Variants in RBFOX1 observed in about 807,000 individuals in gnomAD.
RBFOX1 encodes RNA binding protein fox-1 homolog 1.
Under a neutral mutation model 57.7 loss-of-function variants are expected in RBFOX1, and 8 were observed. The observed-to-expected ratio is 0.14, with a 90% CI of 0.08 to 0.25. The LOEUF (loss-of-function observed/expected upper bound fraction) is 0.25. RBFOX1 is among the 10% of genes least tolerant of loss of function. The pLI is 1.00. For synonymous variants in RBFOX1, 326 were observed against 222.4 expected, an observed-to-expected ratio of 1.47 and a Z score of -4.15; for missense variants, 611 against 548.5, an observed-to-expected ratio of 1.11 and a Z score of -1.14.
At chr16:5,425,067 A>ATTTATTTATCTC (rs1567491128) in intron 1 of RBFOX1, among the ~76,000 whole-genome samples, 1 of 47,362 alleles carries the variant, frequency 2.1e-5, no homozygotes, top group African/African-American at 1.2e-4. Context: ...TTCCTTTCTT[A>ATTTATTTATCTC]TCTATCTATC....
Position 6,602,606 on chromosome 16 carries a change from G to A in RBFOX1, c.-63-51997G>A, listed in dbSNP as rs550661527. Reference sequence around the variant, plus strand: ...AGGCCAGGCGGGGACTCCTGGGAAAGCCTTCTCCTGGCTCCAGTTCCATTT... The same window carrying A: ...AGGCCAGGCGGGGACTCCTGGGAAAACCTTCTCCTGGCTCCAGTTCCATTT... On this transcript the variant is annotated intron_variant, in intron 2 of 15. Coordinates refer to ENST00000550418, the MANE Select transcript of RBFOX1 (RefSeq NM_018723.4). Among the ~76,000 whole-genome samples the A allele has an allele frequency of 5.9e-5, 9 of 152,268 alleles. 2 individuals carry two copies. The South Asian group carries it at 1.9e-3, about 32-fold the overall frequency.
chr16:7,050,458 G>C (rs1206211321), intron 3 of RBFOX1, among the ~76,000 whole-genome samples: 3 of 151,742 alleles, frequency 2.0e-5, no homozygotes, highest in Non-Finnish European at 4.4e-5. Context: ...TAGAGAAGAG[G>C]TTTCACCATA....
chr16:7,400,355 C>A (rs921679258), intron 4 of RBFOX1, among the ~76,000 whole-genome samples: 1 of 152,306 alleles, frequency 6.6e-6, no homozygotes, highest in Middle Eastern at 3.4e-3. Context: ...CTGAACCCAT[C>A]TTTAAGGAAA....
chr16:5,824,939 C>A (rs2055982943), intron 3 of RBFOX1, among the ~76,000 whole-genome samples: 1 of 152,194 alleles, frequency 6.6e-6, no homozygotes, highest in Admixed American at 6.5e-5. Flanking sequence ...TGAGTGGGCT[C>A]TGTCCATCTG....
intron 1 of RBFOX1, among the ~76,000 whole-genome samples, chr16:6,299,534 G>C (rs549937009): frequency 6.6e-6 from 1 of 152,028 alleles, no homozygotes; most frequent in East Asian, 1.9e-4. Flanking sequence ...TGATTTCAGA[G>C]ACCTCATTTT....
intron 2 of RBFOX1, among the ~76,000 whole-genome samples, chr16:6,510,769 A>G (rs2096239677): frequency 1.3e-5 from 2 of 152,128 alleles, no homozygotes; most frequent in African/African-American, 4.8e-5. Flanking sequence ...TAAAAAAAAG[A>G]CAACAATTTG....
chr16:6,995,387 T>C (rs902214018), intron 3 of RBFOX1, among the ~76,000 whole-genome samples: 1 of 151,600 alleles, frequency 6.6e-6, no homozygotes, highest in Admixed American at 6.6e-5. Context: ...GATGGATTTT[T>C]CACTTTATTA....
chr16:7,112,450 G>A (rs1283537662), intron 4 of RBFOX1, among the ~76,000 whole-genome samples: 3 of 148,756 alleles, frequency 2.0e-5, no homozygotes, highest in South Asian at 2.1e-4. Flanking sequence ...CAAGTTGTCC[G>A]CCCGCCTCAG....
chr16:6,361,135 A>G (rs953182711), intron 2 of RBFOX1, among the ~76,000 whole-genome samples: 1 of 152,148 alleles, frequency 6.6e-6, no homozygotes, highest in Non-Finnish European at 1.5e-5. Flanking sequence ...ATATGGGCAA[A>G]GTAACGAATG....
chr16:7,490,943 C>T (rs918396090), intron 4 of RBFOX1, among the ~76,000 whole-genome samples: 2 of 152,152 alleles, frequency 1.3e-5, no homozygotes, highest in Admixed American at 6.5e-5. Flanking sequence ...CTCTTATCTT[C>T]TTTAGGTGGC....
intron 5 of RBFOX1, among the ~76,000 whole-genome samples, chr16:7,521,258 G>C (rs1270389810): frequency 6.6e-6 from 1 of 152,172 alleles, no homozygotes; most frequent in African/African-American, 2.4e-5. Flanking sequence ...CATGATGAAG[G>C]GGATTTGGAG....
chr16:6,903,745 A>G (rs1428430394), intron 3 of RBFOX1, among the ~76,000 whole-genome samples: 8 of 152,176 alleles, frequency 5.3e-5, no homozygotes, highest in African/African-American at 1.7e-4. Context: ...CCTCAAAAGA[A>G]AGAGGTGAGA....
intron 3 of RBFOX1, among the ~76,000 whole-genome samples, chr16:5,821,363 A>G (rs1018667584): frequency 1.4e-5 from 2 of 141,994 alleles, no homozygotes; most frequent in African/African-American, 5.4e-5. Flanking sequence ...TGTTGCAATC[A>G]TGGCTTACGG....
intron 2 of RBFOX1, among the ~76,000 whole-genome samples, chr16:6,628,563 T>C (rs1334082026): frequency 6.6e-6 from 1 of 152,202 alleles, no homozygotes. Flanking sequence ...CCTCATTTTG[T>C]TTTTTTATGC....
chr16:6,975,510 G>C (rs1241794657), intron 3 of RBFOX1, among the ~76,000 whole-genome samples: 3 of 152,028 alleles, frequency 2.0e-5, no homozygotes, highest in African/African-American at 7.2e-5. Flanking sequence ...CAAGTGATCT[G>C]CCTACCTTGG....
At chr16:6,494,831 T>C (rs1031739021) in intron 2 of RBFOX1, among the ~76,000 whole-genome samples, 24 of 152,220 alleles carry the variant, frequency 1.6e-4, no homozygotes, top group Non-Finnish European at 3.2e-4. Flanking sequence ...TTAATGTTTA[T>C]TTTTACATAA....
intron 3 of RBFOX1, among the ~76,000 whole-genome samples, chr16:5,616,686 C>T (rs2048036029): frequency 6.4e-5 from 3 of 46,758 alleles, no homozygotes; most frequent in South Asian, 1.7e-3. Flanking sequence ...CTTTATCTTC[C>T]GCCCCCTGAT....
At chr16:5,281,434 T>G (rs2063268954) in intron 1 of RBFOX1, among the ~76,000 whole-genome samples, 1 of 152,234 alleles carries the variant, frequency 6.6e-6, no homozygotes, top group African/African-American at 2.4e-5. Context: ...AAATAACTGT[T>G]AGGTCCATTT....
At chr16:7,568,495 T>G (rs1014939216) in intron 5 of RBFOX1, among the ~76,000 whole-genome samples, 1 of 152,094 alleles carries the variant, frequency 6.6e-6, no homozygotes, top group Admixed American at 6.5e-5. Context: ...GCCATCTTGG[T>G]TTCGGTGGGA....
Sources: allele counts gnomAD v4.1 joint callset (sites outside exome capture counted in the v4.1 genomes callset), GRCh38; gene constraint gnomAD v4.1.1; transcripts MANE v1.5; gene names NCBI Gene and HGNC (gene_info 2026-07-23, HGNC 2026-07-21).